The following CAST variants were observed in gnomAD, a reference collection of about 807,000 sequenced individuals.
The protein encoded by CAST is MIR583 host.
In CAST, 76 loss-of-function variants were observed where a neutral mutation model predicts 119.6. That is an observed-to-expected ratio of 0.64 (90% CI 0.53 to 0.77). CAST has a LOEUF of 0.77. CAST is among the 30% of genes least tolerant of loss of function. The pLI is 0.00. For synonymous variants in CAST, 319 were observed against 331.6 expected (o/e 0.96, Z 0.41); for missense variants, 953 against 946.5 (o/e 1.01, Z -0.09).
At chr5:96,618,039 G>A (rs1176817553) in intron 1 of CAST, among the ~76,000 whole-genome samples, 2 of 152,114 alleles carry the variant, frequency 1.3e-5, no homozygotes, top group African/African-American at 4.8e-5. Flanking sequence ...TTCTAGGGGT[G>A]TTAACTGAGG....
chr5:96,553,928 T>C (rs1423981312), intron 1 of CAST, among the ~76,000 whole-genome samples: 6 of 152,292 alleles, frequency 3.9e-5, no homozygotes, highest in African/African-American at 1.4e-4. Flanking sequence ...TGGAAAAACA[T>C]TCCATGCTCA....
At chr5:96,587,042 T>C (rs942736263) in intron 1 of CAST, among the ~76,000 whole-genome samples, 3 of 152,244 alleles carry the variant, frequency 2.0e-5, no homozygotes, top group Non-Finnish European at 4.4e-5. Context: ...CCTCTGCTCT[T>C]TCTACTACCT....
intron 1 of CAST, among the ~76,000 whole-genome samples, chr5:96,589,705 G>C (rs1462022390): frequency 6.6e-6 from 1 of 152,168 alleles, no homozygotes; most frequent in Non-Finnish European, 1.5e-5. Context: ...CTTCTCTATA[G>C]CAAGGACTAG....
the CAST span, among the ~76,000 whole-genome samples, chr5:96,516,470 A>T: frequency 1.3e-5 from 2 of 152,202 alleles, no homozygotes; most frequent in Non-Finnish European, 2.9e-5. Flanking sequence ...ATCTTTTGAC[A>T]TCCATTCTCA....
chr5:96,724,197 CT>C (rs1364457749), intron 4 of CAST, among the ~76,000 whole-genome samples: 1 of 150,100 alleles, frequency 6.7e-6, no homozygotes, highest in Non-Finnish European at 1.5e-5. Context: ...TTTTTTTTTC[CT>C]TGAGGCAGGG....
chr5:96,300,133 C>T, the CAST span, among the ~76,000 whole-genome samples: 4 of 151,972 alleles, frequency 2.6e-5, no homozygotes, highest in Non-Finnish European at 4.4e-5. Flanking sequence ...CCTAGTTTTG[C>T]TTTTGTTGCC....
the CAST span, among the ~76,000 whole-genome samples, chr5:96,354,620 A>G: frequency 6.6e-6 from 1 of 151,392 alleles, no homozygotes; most frequent in Non-Finnish European, 1.5e-5. Flanking sequence ...TAACATGTTT[A>G]TATATGTATC....
the CAST span, among the ~76,000 whole-genome samples, chr5:96,481,339 A>T: frequency 5.3e-5 from 8 of 152,180 alleles, no homozygotes; most frequent in African/African-American, 1.9e-4. Context: ...GATCCTTTAA[A>T]CACAGTTTTG....
At chr5:96,158,195 T>A in the CAST span, among the ~76,000 whole-genome samples, 1 of 152,194 alleles carries the variant, frequency 6.6e-6, no homozygotes, top group Non-Finnish European at 1.5e-5. Flanking sequence ...CTGGAAAGAC[T>A]TATGACTAAG....
rs1399048555 is a variant in CAST at position 96,675,539 on chromosome 5, C to T, written c.76C>T (p.His26Tyr). The change falls in exon 2 of 32, where the codon CAT becomes TAT. Residue 26 changes from histidine (H) to tyrosine (Y), a missense_variant and splice_region_variant. Physicochemically the swap from His to Tyr is moderately conservative, Grantham distance 83 (BLOSUM62 2). Transcript: ENST00000675179. ...RAAAARRTHE[H>Y]VSEKTSESPS... ...AGCATTATTTTTTACTTTTTTATAG[C>T]ATGTCAGTGAAAAAACCAGTGAATC... is the stretch of plus-strand genomic sequence containing the variant. The T allele has an allele frequency of 9.9e-6, 16 of 1,609,628 alleles. No homozygotes were observed. The highest frequency in any genetic ancestry group is 1.4e-5 in the Non-Finnish European group (16 of 1,176,288).
the CAST span, among the ~76,000 whole-genome samples, chr5:96,279,326 T>C: frequency 6.6e-6 from 1 of 152,202 alleles, no homozygotes; most frequent in Non-Finnish European, 1.5e-5. Flanking sequence ...CTTGTGTTTT[T>C]GCCAGCTGCG....
intron 1 of CAST, among the ~76,000 whole-genome samples, chr5:96,666,981 C>T (rs986944122): frequency 2.0e-4 from 31 of 152,136 alleles, no homozygotes; most frequent in Non-Finnish European, 2.8e-4. Context: ...TACTAAAGTT[C>T]TGTTCTTTGA....
chr5:96,771,584 C>T, intron 30 of CAST, 60 bp from the exon 31 acceptor site: 1 of 1,255,228 alleles, frequency 8.0e-7, no homozygotes, highest in Non-Finnish European at 1.1e-6. Flanking sequence ...CTGAGAAGGC[C>T]ATCTCCTCAT....
rs542710645 is a variant in CAST at position 96,541,970 on chromosome 5, G to A, written c.60+12090G>A. 3.0e-3 allele frequency among the ~76,000 whole-genome samples: 464 copies of A among 152,200 alleles called. 3 individuals carry two copies. Among genetic ancestry groups the A allele is most frequent in the Non-Finnish European group, 5.1e-3 (347 of 68,022 alleles). On this transcript the variant is annotated intron_variant, in intron 1 of 11. Transcript: ENST00000505143. ...GTGTAGACAGCTTTTAAATTCAATT[G>A]GCTAAATACCTAGCAGTGCAATTGC...
the CAST span, among the ~76,000 whole-genome samples, chr5:95,984,015 C>T: frequency 6.6e-6 from 1 of 152,066 alleles, no homozygotes; most frequent in Non-Finnish European, 1.5e-5. Flanking sequence ...AGAATGCAAA[C>T]CTATACTCCT....
At chr5:96,298,217 G>T in the CAST span, among the ~76,000 whole-genome samples, 1 of 152,172 alleles carries the variant, frequency 6.6e-6, no homozygotes. Flanking sequence ...TACAAAACAG[G>T]ATGTAAACAA....
the CAST span, among the ~76,000 whole-genome samples, chr5:96,089,987 A>T: frequency 2.0e-5 from 3 of 151,944 alleles, no homozygotes; most frequent in Non-Finnish European, 4.4e-5. Flanking sequence ...GCTGTGTGAC[A>T]CTCTGCAAAT....
chr5:96,561,796 G>GTTTTTGTTTTTTT (rs1746370693), intron 1 of CAST, among the ~76,000 whole-genome samples: 1 of 97,402 alleles, frequency 1.0e-5, no homozygotes, highest in African/African-American at 3.8e-5. Context: ...GTTTTTTTTT[G>GTTTTTGTTTTTTT]TTTTTTTTTT....
At chr5:96,368,641 G>A in the CAST span, among the ~76,000 whole-genome samples, 1 of 152,212 alleles carries the variant, frequency 6.6e-6, no homozygotes, top group Non-Finnish European at 1.5e-5. Context: ...CTGCTGCAGA[G>A]CTGTGAGCTT....
Sources: gnomAD v4.1 joint callset for allele counts (sites outside exome capture counted in the v4.1 genomes callset) on GRCh38, gnomAD v4.1.1 for gene constraint, MANE v1.5 for transcripts, NCBI Gene and HGNC (gene_info 2026-07-23, HGNC 2026-07-21) for gene names.